RTL4: variants seen among roughly 807,000 people sequenced by gnomAD.
RTL4 encodes the protein retrotransposon Gag-like protein 4.
In RTL4, 4 loss-of-function variants were observed where a neutral mutation model predicts 5.3. The ratio of observed to expected loss-of-function variants is 0.75; its 90% CI spans 0.37 to 1.72. The LOEUF (loss-of-function observed/expected upper bound fraction) is 1.72, where lower values mean the gene tolerates loss of function less well. Ranked by LOEUF, RTL4 falls within the 40% of genes most tolerant of loss-of-function variation. The pLI, the probability that RTL4 is intolerant of heterozygous loss-of-function variation, is 0.04. For missense variants in RTL4, 260 were observed against 227.1 expected, an observed-to-expected ratio of 1.14 and a Z score of -0.93; for synonymous variants, 98 against 87.3, an observed-to-expected ratio of 1.12 and a Z score of -0.68.
the RTL4 span, among the ~76,000 whole-genome samples, chrX:112,125,333 G>A: frequency 0.16 from 17,787 of 110,706 alleles, 2,154 homozygotes; most frequent in African/African-American, 0.42. Flanking sequence ...TTCTGCTTCC[G>A]TTATCAGCTC....
chrX:112,319,572 AGAT>A, the RTL4 span, among the ~76,000 whole-genome samples: 1 of 111,905 alleles, frequency 8.9e-6, no homozygotes, highest in East Asian at 2.8e-4. Context: ...TTATACACCC[AGAT>A]AACTGCCACC....
chrX:112,287,306 C>T, the RTL4 span, among the ~76,000 whole-genome samples: 2 of 111,625 alleles, frequency 1.8e-5, no homozygotes, highest in East Asian at 2.8e-4. Context: ...CCAAAATATT[C>T]GGAAATTCTG....
At chrX:112,154,693 G>C in the RTL4 span, among the ~76,000 whole-genome samples, 1 of 111,598 alleles carries the variant, frequency 9.0e-6, no homozygotes, top group Non-Finnish European at 1.9e-5. Context: ...AAATCGTTGG[G>C]ACATGCCTTC....
At chrX:112,208,697 T>C in the RTL4 span, among the ~76,000 whole-genome samples, 1 of 112,397 alleles carries the variant, frequency 8.9e-6, no homozygotes, top group Non-Finnish European at 1.9e-5. Context: ...TCAGAAATTC[T>C]AGGTGTGTAT....
At chrX:112,389,489 T>C in the RTL4 span, among the ~76,000 whole-genome samples, 2 of 111,448 alleles carry the variant, frequency 1.8e-5, no homozygotes, top group Admixed American at 1.9e-4. Flanking sequence ...GTTGTGATGT[T>C]AGGTTTTTAA....
At chrX:112,374,289 G>A in the RTL4 span, among the ~76,000 whole-genome samples, 1 of 110,946 alleles carries the variant, frequency 9.0e-6, no homozygotes, top group Non-Finnish European at 1.9e-5. Flanking sequence ...TTGACTCAGT[G>A]CCACCTTTGT....
chrX:112,092,476 T>C, the RTL4 span, among the ~76,000 whole-genome samples: 1 of 111,833 alleles, frequency 8.9e-6, no homozygotes, highest in East Asian at 2.8e-4. Flanking sequence ...CATGCAAATC[T>C]GCCTCTCACT....
chrX:112,318,448 A>C, the RTL4 span, among the ~76,000 whole-genome samples: 1 of 112,161 alleles, frequency 8.9e-6, no homozygotes, highest in Non-Finnish European at 1.9e-5. Flanking sequence ...TGAGGTACTC[A>C]ATATTTGTGA....
chrX:112,314,032 C>T, the RTL4 span, among the ~76,000 whole-genome samples: 1 of 111,522 alleles, frequency 9.0e-6, no homozygotes, highest in Non-Finnish European at 1.9e-5. Context: ...CTGACTTTCA[C>T]AAGGATCCTG....
the RTL4 span, among the ~76,000 whole-genome samples, chrX:112,114,845 C>T: frequency 9.0e-6 from 1 of 111,278 alleles, no homozygotes; most frequent in African/African-American, 3.3e-5. Context: ...AAAGCTTGGA[C>T]AGAAGGTAGT....
chrX:112,085,066 A>G, the RTL4 span, among the ~76,000 whole-genome samples: 1 of 112,591 alleles, frequency 8.9e-6, no homozygotes, highest in Non-Finnish European at 1.9e-5. Flanking sequence ...TGCAATTAGA[A>G]AGCTGACTTA....
chrX:112,175,076 T>G, the RTL4 span, among the ~76,000 whole-genome samples: 1 of 102,889 alleles, frequency 9.7e-6, no homozygotes, highest in Non-Finnish European at 2.0e-5. Flanking sequence ...AGAAGCTCTT[T>G]AGTTTAATTA....
the RTL4 span, among the ~76,000 whole-genome samples, chrX:112,242,904 C>T: frequency 2.7e-5 from 3 of 111,541 alleles, no homozygotes; most frequent in African/African-American, 9.8e-5. Flanking sequence ...ACATGAAGGG[C>T]TGTTGAATTT....
chrX:112,404,539 G>C, the RTL4 span, among the ~76,000 whole-genome samples: 3 of 111,672 alleles, frequency 2.7e-5, no homozygotes, highest in African/African-American at 6.5e-5. Context: ...GAAGTTTGTT[G>C]GTGGCTGTAA....
the RTL4 span, among the ~76,000 whole-genome samples, chrX:112,160,819 G>A: frequency 9.1e-6 from 1 of 109,879 alleles, no homozygotes; most frequent in African/African-American, 3.4e-5. Flanking sequence ...GAGTGTGAGA[G>A]AGTTGAAGGA....
chrX:112,166,263 C>A, the RTL4 span, among the ~76,000 whole-genome samples: 3,586 of 111,560 alleles, frequency 0.032, 121 homozygotes, highest in African/African-American at 0.098. Context: ...TATTTTGGTT[C>A]CCTTTTTCAT....
At chrX:112,374,160 A>G in the RTL4 span, among the ~76,000 whole-genome samples, 2 of 111,480 alleles carry the variant, frequency 1.8e-5, no homozygotes, top group East Asian at 2.8e-4. Context: ...TACCTTTCAC[A>G]TTTAGATCAA....
the RTL4 span, among the ~76,000 whole-genome samples, chrX:112,255,542 A>G: frequency 1.8e-5 from 2 of 111,623 alleles, no homozygotes; most frequent in Non-Finnish European, 3.8e-5. Flanking sequence ...GATTACTATT[A>G]TGTATGCAAT....
the RTL4 span, among the ~76,000 whole-genome samples, chrX:112,411,957 A>G: frequency 2.7e-5 from 3 of 111,566 alleles, no homozygotes; most frequent in Admixed American, 1.9e-4. Context: ...GTAAAAACCT[A>G]AAGACTCCAC....
Sources: allele counts gnomAD v4.1 joint callset (sites outside exome capture counted in the v4.1 genomes callset), GRCh38; gene constraint gnomAD v4.1.1; transcripts MANE v1.5; gene names NCBI Gene and HGNC (gene_info 2026-07-23, HGNC 2026-07-21).